DPP6: variants seen among roughly 807,000 people sequenced by gnomAD.
DPP6 encodes the protein A-type potassium channel modulatory protein DPP6.
DPP6 carries 69 observed loss-of-function variants against 122.6 expected under a neutral mutation model. The ratio of observed to expected loss-of-function variants is 0.56; its 90% CI spans 0.46 to 0.69. The LOEUF (loss-of-function observed/expected upper bound fraction) is 0.69, where lower values mean the gene tolerates loss of function less well. Among genes scored for constraint, DPP6 ranks in the 30% least tolerant of loss-of-function variants. The pLI is 0.00. For synonymous variants in DPP6, 418 were observed against 433.1 expected, an observed-to-expected ratio of 0.97 and a Z score of 0.43; for missense variants, 928 against 1,116.9, an observed-to-expected ratio of 0.83 and a Z score of 2.41.
chr7:154,220,855 A>C (rs1160004130), intron 1 of DPP6, among the ~76,000 whole-genome samples: 1 of 152,194 alleles, frequency 6.6e-6, no homozygotes, highest in African/African-American at 2.4e-5. Flanking sequence ...GGCTTTCACG[A>C]ACAAGTTTTG....
chr7:154,245,913 A>G (rs10269026), intron 1 of DPP6, among the ~76,000 whole-genome samples: 1 of 152,078 alleles, frequency 6.6e-6, no homozygotes, highest in Non-Finnish European at 1.5e-5. Flanking sequence ...TATATAGAAT[A>G]AAGAACATAG....
chr7:154,566,805 T>C (rs748192839), intron 4 of DPP6, 37 bp from the exon 5 acceptor site: 12 of 1,221,102 alleles, frequency 9.8e-6, no homozygotes, highest in Non-Finnish European at 1.4e-5. Flanking sequence ...TTGTTGTATG[T>C]AATGCTTTAA....
chr7:153,942,551 G>C (rs1801745733), intron 1 of DPP6, among the ~76,000 whole-genome samples: 1 of 152,152 alleles, frequency 6.6e-6, no homozygotes, highest in Non-Finnish European at 1.5e-5. Context: ...GGAGGAGAGA[G>C]GGCAGGAAGG....
chr7:153,773,264 C>CATGTGTGTGTGTGTGTGT, the DPP6 span, among the ~76,000 whole-genome samples: 20 of 132,458 alleles, frequency 1.5e-4, no homozygotes, highest in South Asian at 3.1e-3. Context: ...TCTTTTCTTT[C>CATGTGTGTGTGTGTGTGT]GTGTGTGTGT....
At chr7:154,815,834 T>A (rs1292389265) in intron 16 of DPP6, among the ~76,000 whole-genome samples, 1 of 152,186 alleles carries the variant, frequency 6.6e-6, no homozygotes, top group Non-Finnish European at 1.5e-5. Context: ...CTTTAAGAAG[T>A]TTGGTCTTAG....
chr7:154,894,214 T>A lies in DPP6; in HGVS notation c.*1734T>A, dbSNP rs1173577562. On this transcript the variant is annotated 3_prime_UTR_variant, in exon 26 of 26. Transcript: ENST00000377770. The stretch of plus-strand genomic sequence containing the variant: ...GGGGAAGCCAGCTCTGGCCACGACA[T>A]CTGGTCGGAGGGAAGTGGGGATGTG... The A allele has an allele frequency of 6.6e-6, 1 of 152,230 alleles. No individual in the cohort carries two copies. The highest frequency in any genetic ancestry group is 2.4e-5 in the African/African-American group (1 of 41,432). The allele number at this position is 152,230 out of a possible 1,614,324, so 9.4% of individuals were successfully genotyped here.
chr7:153,865,705 C>T, the DPP6 span, among the ~76,000 whole-genome samples: 8 of 151,950 alleles, frequency 5.3e-5, no homozygotes, highest in Admixed American at 4.6e-4. Flanking sequence ...ACAACGTGCA[C>T]GTTTGTTACA....
chr7:154,468,294 C>A (rs1210974629), intron 2 of DPP6, among the ~76,000 whole-genome samples: 7 of 152,094 alleles, frequency 4.6e-5, no homozygotes, highest in African/African-American at 1.2e-4. Context: ...TTTTTGGTTG[C>A]GAAGAGCTGA....
At chr7:154,876,714 A>T (rs1289991559) in intron 20 of DPP6, 1 of 152,252 alleles carries the variant, frequency 6.6e-6, no homozygotes, top group Non-Finnish European at 1.5e-5. Flanking sequence ...TGACTTATTG[A>T]ATCTTATTGT....
At chr7:154,412,045 C>T (rs1202341854) in intron 1 of DPP6, among the ~76,000 whole-genome samples, 1 of 152,096 alleles carries the variant, frequency 6.6e-6, no homozygotes, top group Admixed American at 6.5e-5. Context: ...TGAGGGGTCA[C>T]TCTCCAACTT....
At chr7:154,287,177 G>A (rs975220527) in intron 1 of DPP6, among the ~76,000 whole-genome samples, 15 of 152,210 alleles carry the variant, frequency 9.9e-5, no homozygotes, top group East Asian at 1.9e-4. Flanking sequence ...GCTCCCAACA[G>A]GAAGACATCT....
chr7:154,443,396 G>T (rs1034394230), intron 1 of DPP6, among the ~76,000 whole-genome samples: 1 of 152,280 alleles, frequency 6.6e-6, no homozygotes, highest in African/African-American at 2.4e-5. Flanking sequence ...GTTGATAACA[G>T]TGTCAGTATC....
the DPP6 span, among the ~76,000 whole-genome samples, chr7:153,806,560 C>G: frequency 6.6e-6 from 1 of 151,680 alleles, no homozygotes. Flanking sequence ...ATTTTTCAAT[C>G]CTTATATAAT....
intron 1 of DPP6, among the ~76,000 whole-genome samples, chr7:154,409,021 G>A (rs935270934): frequency 3.9e-5 from 6 of 152,076 alleles, no homozygotes; most frequent in Non-Finnish European, 7.4e-5. Context: ...GTGCATGCCT[G>A]TAATCCCAGC....
intron 1 of DPP6, among the ~76,000 whole-genome samples, chr7:154,340,465 C>T (rs6464409): frequency 0.18 from 27,141 of 152,118 alleles, 4,648 homozygotes; most frequent in African/African-American, 0.45. Context: ...GAAGGAAAGC[C>T]CTTCATTCTC....
chr7:154,538,322 T>C (rs1828434550), intron 3 of DPP6, among the ~76,000 whole-genome samples: 2 of 152,282 alleles, frequency 1.3e-5, no homozygotes, highest in South Asian at 4.1e-4. Flanking sequence ...GGTGGTTTGC[T>C]GCACCTATCA....
intron 1 of DPP6, among the ~76,000 whole-genome samples, chr7:154,347,858 T>A (rs1335037886): frequency 1.3e-5 from 2 of 152,160 alleles, no homozygotes; most frequent in Non-Finnish European, 2.9e-5. Context: ...TGCCAACTTG[T>A]GGAGTGAACC....
the DPP6 span, among the ~76,000 whole-genome samples, chr7:153,794,196 C>T: frequency 1.2e-4 from 18 of 151,906 alleles, no homozygotes; most frequent in African/African-American, 2.9e-4. Flanking sequence ...CAGCTTGCAC[C>T]GTTCACCTGG....
chr7:153,770,858 G>T, the DPP6 span, among the ~76,000 whole-genome samples: 1 of 152,248 alleles, frequency 6.6e-6, no homozygotes, highest in Non-Finnish European at 1.5e-5. Context: ...ATGCTCACCA[G>T]TAGATTAAAA....
Sources: allele counts gnomAD v4.1 joint callset (sites outside exome capture counted in the v4.1 genomes callset), GRCh38; gene constraint gnomAD v4.1.1; transcripts MANE v1.5; gene names NCBI Gene and HGNC (gene_info 2026-07-23, HGNC 2026-07-21).